The following AGMO variants were observed in gnomAD, a reference collection of about 807,000 sequenced individuals.
The protein encoded by AGMO is alkylglycerol monooxygenase.
AGMO carries 75 observed loss-of-function variants against 60.2 expected under a neutral mutation model. That is an observed-to-expected ratio of 1.25 (90% CI 1.03 to 1.51). The LOEUF (loss-of-function observed/expected upper bound fraction) is 1.51. AGMO is among the 40% of genes most tolerant of loss of function. AGMO has a pLI of 0.00. For missense variants in AGMO, 763 were observed against 525.5 expected, an observed-to-expected ratio of 1.45 and a Z score of -4.42; for synonymous variants, 261 against 177.1, an observed-to-expected ratio of 1.47 and a Z score of -3.76.
intron 12 of AGMO, among the ~76,000 whole-genome samples, chr7:15,331,699 G>A (rs1349649530): frequency 1.3e-5 from 2 of 152,170 alleles, no homozygotes; most frequent in Admixed American, 6.6e-5. Context: ...GACTGAGGCA[G>A]GTGGATCACA....
intron 3 of AGMO, among the ~76,000 whole-genome samples, chr7:15,442,028 G>C (rs73682005): frequency 0.16 from 24,603 of 152,154 alleles, 2,214 homozygotes; most frequent in Middle Eastern, 0.26. Context: ...TAGCAAATGA[G>C]TGTGGCTTTC....
At chr7:15,289,704 G>A (rs1316063011) in intron 12 of AGMO, among the ~76,000 whole-genome samples, 1 of 152,156 alleles carries the variant, frequency 6.6e-6, no homozygotes, top group South Asian at 2.1e-4. Context: ...GTAATTCAAA[G>A]AAAGAGGTAA....
At chr7:15,292,908 C>CCACCAAAT (rs1440079273) in intron 12 of AGMO, among the ~76,000 whole-genome samples, 6 of 151,336 alleles carry the variant, frequency 4.0e-5, no homozygotes, top group Non-Finnish European at 7.4e-5. Flanking sequence ...CAAGCACCCG[C>CCACCAAAT]CACCAAATCC....
intron 3 of AGMO, among the ~76,000 whole-genome samples, chr7:15,461,075 C>G (rs1782129809): frequency 6.6e-6 from 1 of 151,908 alleles, no homozygotes. Context: ...CACTATTGTT[C>G]AAAATGTATG....
At chr7:15,312,465 G>A (rs1780795021) in intron 12 of AGMO, among the ~76,000 whole-genome samples, 1 of 129,388 alleles carries the variant, frequency 7.7e-6, no homozygotes, top group African/African-American at 2.9e-5. Flanking sequence ...GAAATCACAG[G>A]ACAATCAAAT....
intron 12 of AGMO, among the ~76,000 whole-genome samples, chr7:15,359,392 T>C (rs1186031646): frequency 6.6e-6 from 1 of 151,458 alleles, no homozygotes; most frequent in African/African-American, 2.5e-5. Flanking sequence ...CTTTGGGTGT[T>C]TCTAATGTGT....
At chr7:15,317,658 A>G (rs1021328657) in intron 12 of AGMO, among the ~76,000 whole-genome samples, 5 of 152,066 alleles carry the variant, frequency 3.3e-5, no homozygotes, top group Admixed American at 1.3e-4. Flanking sequence ...AAAATAAAAT[A>G]TCCCAAAGGA....
chr7:15,481,715 G>A (rs1209708973), intron 3 of AGMO, among the ~76,000 whole-genome samples: 1 of 150,266 alleles, frequency 6.7e-6, no homozygotes, highest in Non-Finnish European at 1.5e-5. Flanking sequence ...TTTGTTAATT[G>A]TGTTTTCAGG....
At chr7:15,533,297 G>C (rs536984191) in intron 3 of AGMO, among the ~76,000 whole-genome samples, 1 of 151,916 alleles carries the variant, frequency 6.6e-6, no homozygotes, top group East Asian at 1.9e-4. Context: ...GATTAATAAT[G>C]GTGTTTGTTG....
At chr7:15,430,903 A>G (rs945992921) in intron 4 of AGMO, 102 bp downstream of exon 4, 2 of 679,258 alleles carry the variant, frequency 2.9e-6, no homozygotes, top group Non-Finnish European at 4.6e-6. Context: ...CATTTTAGTA[A>G]AACACCTTCT....
the AGMO span, among the ~76,000 whole-genome samples, chr7:15,120,104 C>G: frequency 7.9e-5 from 12 of 152,032 alleles, no homozygotes; most frequent in African/African-American, 2.9e-4. Flanking sequence ...AATTTACCCT[C>G]TCCCTACCAA....
intron 3 of AGMO, among the ~76,000 whole-genome samples, chr7:15,541,113 GTTTT>G (rs1219749410): frequency 1.3e-5 from 2 of 151,864 alleles, no homozygotes; most frequent in African/African-American, 4.8e-5. Context: ...TTGTTTGTTT[GTTTT>G]TTTGTTTTTG....
intron 12 of AGMO, among the ~76,000 whole-genome samples, chr7:15,315,303 T>C (rs977806048): frequency 8.6e-5 from 12 of 140,154 alleles, no homozygotes; most frequent in African/African-American, 2.9e-4. Flanking sequence ...AATTAAGATA[T>C]AAGCAAAACT....
At chr7:15,533,379 C>A (rs2128543477) in intron 3 of AGMO, among the ~76,000 whole-genome samples, 1 of 151,994 alleles carries the variant, frequency 6.6e-6, no homozygotes, top group African/African-American at 2.4e-5. Context: ...AACAATGTAC[C>A]TATATAGTTA....
chr7:15,282,643 C>T (rs965057083), intron 12 of AGMO, among the ~76,000 whole-genome samples: 2 of 152,110 alleles, frequency 1.3e-5, no homozygotes, highest in African/African-American at 4.8e-5. Flanking sequence ...GAAGAGAAAG[C>T]AAAAACATTG....
chr7:15,458,497 G>T (rs530419172), intron 3 of AGMO, among the ~76,000 whole-genome samples: 1 of 152,142 alleles, frequency 6.6e-6, no homozygotes, highest in African/African-American at 2.4e-5. Context: ...AATGCACATG[G>T]GATGTCTGTC....
intron 12 of AGMO, among the ~76,000 whole-genome samples, chr7:15,345,716 A>G (rs1186805074): frequency 6.6e-6 from 1 of 152,162 alleles, no homozygotes; most frequent in Non-Finnish European, 1.5e-5. Flanking sequence ...TTTAATTGTT[A>G]CAACAATCCT....
At chr7:15,133,526 A>C in the AGMO span, among the ~76,000 whole-genome samples, 7 of 152,190 alleles carry the variant, frequency 4.6e-5, no homozygotes, top group African/African-American at 1.7e-4. Flanking sequence ...TCAGTGAAAA[A>C]GGGATAAGGA....
At chr7:15,409,229 T>C (rs1166002776) in intron 5 of AGMO, among the ~76,000 whole-genome samples, 1 of 151,944 alleles carries the variant, frequency 6.6e-6, no homozygotes, top group Non-Finnish European at 1.5e-5. Flanking sequence ...GTGGCTAAAG[T>C]ATGCACAATT....
Sources: allele counts gnomAD v4.1 joint callset (sites outside exome capture counted in the v4.1 genomes callset), GRCh38; gene constraint gnomAD v4.1.1; transcripts MANE v1.5; gene names NCBI Gene and HGNC (gene_info 2026-07-23, HGNC 2026-07-21).